NKAIN2: variants seen among roughly 807,000 people sequenced by gnomAD.
NKAIN2 encodes the protein sodium/potassium transporting ATPase interacting 2.
In NKAIN2, 14 loss-of-function variants were observed where a neutral mutation model predicts 32.6. That is an observed-to-expected ratio of 0.43 (90% CI 0.28 to 0.67). The LOEUF (loss-of-function observed/expected upper bound fraction) is 0.67. Among genes scored for constraint, NKAIN2 ranks in the 30% least tolerant of loss-of-function variants. NKAIN2 has a pLI of 0.17. For synonymous variants in NKAIN2, 80 were observed against 87.2 expected (o/e 0.92, Z 0.46); for missense variants, 198 against 258.3 (o/e 0.77, Z 1.60).
chr6:124,745,059 C>A (rs1348861087), intron 4 of NKAIN2, among the ~76,000 whole-genome samples: 3 of 151,580 alleles, frequency 2.0e-5, no homozygotes, highest in Non-Finnish European at 4.4e-5. Context: ...GATTTTTTTT[C>A]CATTTAATTT....
intron 4 of NKAIN2, among the ~76,000 whole-genome samples, chr6:124,786,809 A>G (rs545529533): frequency 1.3e-5 from 2 of 152,268 alleles, no homozygotes; most frequent in African/African-American, 2.4e-5. Flanking sequence ...GGTCCCTTCC[A>G]TTATTATTCT....
chr6:124,548,620 A>G (rs1780180495), intron 3 of NKAIN2, among the ~76,000 whole-genome samples: 2 of 152,202 alleles, frequency 1.3e-5, no homozygotes, highest in African/African-American at 2.4e-5. Context: ...AAGCTTGTGT[A>G]CACCTTTTAA....
At chr6:124,521,221 G>A (rs952047991) in intron 3 of NKAIN2, among the ~76,000 whole-genome samples, 4 of 152,114 alleles carry the variant, frequency 2.6e-5, no homozygotes, top group Admixed American at 1.3e-4. Context: ...ACTGTTCCCC[G>A]TCTTACAAGA....
intron 1 of NKAIN2, among the ~76,000 whole-genome samples, chr6:123,942,934 C>T (rs545088028): frequency 2.0e-5 from 3 of 152,076 alleles, no homozygotes; most frequent in Non-Finnish European, 2.9e-5. Context: ...TCTTACTAAA[C>T]GATTATTAGG....
At chr6:124,731,037 C>T (rs1166362983) in intron 4 of NKAIN2, among the ~76,000 whole-genome samples, 1 of 145,056 alleles carries the variant, frequency 6.9e-6, no homozygotes, top group Admixed American at 7.1e-5. Context: ...GGTAGAATGG[C>T]AATCATTAAA....
At chr6:124,606,863 T>C (rs1434133668) in intron 3 of NKAIN2, among the ~76,000 whole-genome samples, 1 of 152,098 alleles carries the variant, frequency 6.6e-6, no homozygotes, top group Non-Finnish European at 1.5e-5. Context: ...AATCCATGTT[T>C]ATAATTTTGA....
intron 1 of NKAIN2, among the ~76,000 whole-genome samples, chr6:124,017,520 A>G (rs1205021503): frequency 6.6e-6 from 1 of 152,184 alleles, no homozygotes; most frequent in African/African-American, 2.4e-5. Context: ...CTGTGAAACA[A>G]AAGCAAGTTA....
intron 4 of NKAIN2, among the ~76,000 whole-genome samples, chr6:124,662,783 G>T (rs572289994): frequency 6.6e-5 from 10 of 152,350 alleles, no homozygotes; most frequent in Admixed American, 3.9e-4. Flanking sequence ...TGTATGCATG[G>T]GAGTGGCCTT....
At chr6:124,256,052 C>T (rs1793914201) in intron 1 of NKAIN2, among the ~76,000 whole-genome samples, 2 of 152,184 alleles carry the variant, frequency 1.3e-5, no homozygotes, top group African/African-American at 4.8e-5. Context: ...AAATCACTCT[C>T]TTACAAGGGA....
intron 1 of NKAIN2, among the ~76,000 whole-genome samples, chr6:124,271,444 C>A (rs1490878520): frequency 6.6e-6 from 1 of 152,178 alleles, no homozygotes; most frequent in African/African-American, 2.4e-5. Context: ...TCTTGATCTC[C>A]TGACCTCGTG....
intron 4 of NKAIN2, among the ~76,000 whole-genome samples, chr6:124,672,850 T>C (rs1038774867): frequency 1.3e-5 from 2 of 152,054 alleles, no homozygotes. Context: ...GTAATAGGCA[T>C]AACTACTCTC....
At chr6:124,732,178 G>C (rs1266857743) in intron 4 of NKAIN2, among the ~76,000 whole-genome samples, 2 of 152,000 alleles carry the variant, frequency 1.3e-5, no homozygotes, top group East Asian at 1.9e-4. Context: ...TCAGAAAGAG[G>C]CTCCATCTTC....
chr6:124,190,052 C>T (rs951133415), intron 1 of NKAIN2, among the ~76,000 whole-genome samples: 1 of 152,202 alleles, frequency 6.6e-6, no homozygotes, highest in Non-Finnish European at 1.5e-5. Flanking sequence ...AAACTACCTG[C>T]ACATGGCCAC....
chr6:124,230,058 C>G (rs933736108), intron 1 of NKAIN2, among the ~76,000 whole-genome samples: 1 of 152,080 alleles, frequency 6.6e-6, no homozygotes, highest in African/African-American at 2.4e-5. Context: ...TCCCTAGAAA[C>G]TTATTGAATG....
At chr6:123,824,147 A>G (rs1774040353) in intron 1 of NKAIN2, among the ~76,000 whole-genome samples, 1 of 152,138 alleles carries the variant, frequency 6.6e-6, no homozygotes, top group Non-Finnish European at 1.5e-5. Context: ...CTTATTATAT[A>G]TAGAAATACA....
chr6:123,849,743 T>C (rs1775236738), intron 1 of NKAIN2, among the ~76,000 whole-genome samples: 1 of 152,154 alleles, frequency 6.6e-6, no homozygotes, highest in Admixed American at 6.5e-5. Context: ...AAATATTCTT[T>C]TAACTTCTGT....
At chr6:123,977,003 G>T (rs534048189) in intron 1 of NKAIN2, among the ~76,000 whole-genome samples, 30 of 152,240 alleles carry the variant, frequency 2.0e-4, no homozygotes, top group African/African-American at 7.0e-4. Context: ...AAAAAGAAAT[G>T]TGGGATATTA....
chr6:124,317,049 C>A (rs1198305037), intron 2 of NKAIN2, among the ~76,000 whole-genome samples: 1 of 152,036 alleles, frequency 6.6e-6, no homozygotes, highest in Non-Finnish European at 1.5e-5. Context: ...CTTATAGTCC[C>A]AGCTGCTCTG....
intron 1 of NKAIN2, among the ~76,000 whole-genome samples, chr6:123,812,158 G>T (rs1476638314): frequency 1.3e-5 from 2 of 152,010 alleles, no homozygotes; most frequent in Non-Finnish European, 2.9e-5. Context: ...TTTACAGAGT[G>T]CTTGCAGTGA....
Sources: allele counts gnomAD v4.1 joint callset (sites outside exome capture counted in the v4.1 genomes callset), GRCh38; gene constraint gnomAD v4.1.1; transcripts MANE v1.5; gene names NCBI Gene and HGNC (gene_info 2026-07-23, HGNC 2026-07-21).